The following LAMA3 variants were observed in gnomAD, a reference collection of about 807,000 sequenced individuals.
LAMA3 encodes the protein laminin subunit alpha-3.
Under a neutral mutation model 402.0 loss-of-function variants are expected in LAMA3, and 281 were observed. The ratio of observed to expected loss-of-function variants is 0.70; its 90% CI spans 0.63 to 0.77. The LOEUF (loss-of-function observed/expected upper bound fraction) is 0.77, where lower values mean the gene tolerates loss of function less well. Ranked by LOEUF, LAMA3 falls within the 30% of genes least tolerant of loss-of-function variation. LAMA3 has a pLI of 0.00. For synonymous variants in LAMA3, 1,431 were observed against 1,558.4 expected, an observed-to-expected ratio of 0.92 and a Z score of 1.93; for missense variants, 3,840 against 4,215.5, an observed-to-expected ratio of 0.91 and a Z score of 2.47.
chr18:23,852,700 G>C (rs1231049931), intron 32 of LAMA3, among the ~76,000 whole-genome samples: 1 of 152,180 alleles, frequency 6.6e-6, no homozygotes. Context: ...CACATTCTTT[G>C]CTCAAGAACT....
intron 2 of LAMA3, among the ~76,000 whole-genome samples, chr18:23,726,085 T>C (rs2061295161): frequency 6.6e-6 from 1 of 152,182 alleles, no homozygotes; most frequent in African/African-American, 2.4e-5. Flanking sequence ...CACCATCCCT[T>C]GAGCCACCTC....
chr18:23,727,670 C>T (rs991075489), intron 2 of LAMA3, among the ~76,000 whole-genome samples: 1 of 152,100 alleles, frequency 6.6e-6, no homozygotes, highest in African/African-American at 2.4e-5. Flanking sequence ...TGGACCAGCA[C>T]TGGTCCATGG....
intron 13 of LAMA3, among the ~76,000 whole-genome samples, chr18:23,811,966 C>T (rs762147629): frequency 7.2e-5 from 11 of 151,930 alleles, no homozygotes; most frequent in African/African-American, 2.2e-4. Context: ...CTCTGCCTCA[C>T]GGGTTCAAGC....
intron 2 of LAMA3, among the ~76,000 whole-genome samples, chr18:23,725,530 G>A (rs1302577921): frequency 6.6e-6 from 1 of 152,210 alleles, no homozygotes; most frequent in African/African-American, 2.4e-5. Flanking sequence ...GGGGAGTGGA[G>A]GTGGGTGGGG....
At chr18:23,724,861 C>A (rs1285758079) in intron 2 of LAMA3, among the ~76,000 whole-genome samples, 1 of 152,192 alleles carries the variant, frequency 6.6e-6, no homozygotes, top group Non-Finnish European at 1.5e-5. Context: ...TGCCTGCTGT[C>A]CTCAGGGCAC....
At chr18:23,757,512 G>C (rs370967584) in intron 6 of LAMA3, among the ~76,000 whole-genome samples, 73 of 127,984 alleles carry the variant, frequency 5.7e-4, no homozygotes, top group African/African-American at 1.9e-3. Context: ...TCTTGGCCTC[G>C]CTCCAGCTCC....
At chr18:23,714,776 C>G (rs974891913) in intron 2 of LAMA3, among the ~76,000 whole-genome samples, 2 of 152,084 alleles carry the variant, frequency 1.3e-5, no homozygotes, top group African/African-American at 4.8e-5. Context: ...TCTCTAGAAC[C>G]CTTTTCATCT....
At chr18:23,714,634 A>G (rs1278797254) in intron 2 of LAMA3, among the ~76,000 whole-genome samples, 2 of 152,212 alleles carry the variant, frequency 1.3e-5, no homozygotes. Flanking sequence ...ATTGGCAAAG[A>G]TATTTTTATT....
intron 4 of LAMA3, among the ~76,000 whole-genome samples, chr18:23,749,891 T>C (rs896132386): frequency 6.6e-6 from 1 of 152,092 alleles, no homozygotes; most frequent in African/African-American, 2.4e-5. Flanking sequence ...TGATACCCCG[T>C]AAGAGTGAGG....
At chr18:23,895,556 A>G (rs905376932) in intron 44 of LAMA3, among the ~76,000 whole-genome samples, 1 of 152,214 alleles carries the variant, frequency 6.6e-6, no homozygotes, top group African/African-American at 2.4e-5. Flanking sequence ...TAATATGTCA[A>G]TTTCATCTAA....
At chr18:23,753,689 G>C in intron 5 of LAMA3, 32 bp from the exon 6 acceptor site, 1 of 1,550,826 alleles carries the variant, frequency 6.4e-7, no homozygotes, top group Non-Finnish European at 8.9e-7. Context: ...ACTGTTCAGT[G>C]AAACTTGCAT....
chr18:23,861,532 C>G (rs1038299321), intron 34 of LAMA3, 114 bp from the exon 35 acceptor site: 7 of 1,139,230 alleles, frequency 6.1e-6, no homozygotes, highest in Non-Finnish European at 7.8e-6. Context: ...ATAAAGGAGG[C>G]CTCTGAGGCA....
intron 70 of LAMA3, among the ~76,000 whole-genome samples, chr18:23,949,046 A>G (rs1486690511): frequency 1.3e-5 from 2 of 152,178 alleles, no homozygotes; most frequent in Middle Eastern, 3.2e-3. Flanking sequence ...CACGCAGAAC[A>G]CACCTGGTGT....
chr18:23,813,553 CTTTTTTTTTTTTT>C (rs1164123647), intron 14 of LAMA3, among the ~76,000 whole-genome samples: 2 of 115,006 alleles, frequency 1.7e-5, no homozygotes, highest in South Asian at 3.0e-4. Context: ...TCTTTTCTTT[CTTTTTTTTTTTTT>C]TTTTTTTGCT....
intron 32 of LAMA3, among the ~76,000 whole-genome samples, chr18:23,857,127 G>T (rs533796365): frequency 6.6e-6 from 1 of 152,310 alleles, no homozygotes; most frequent in East Asian, 1.9e-4. Flanking sequence ...TCCCTCATAG[G>T]TATGAAAAGC....
chr18:23,785,164 A>T (rs987416108), intron 12 of LAMA3, among the ~76,000 whole-genome samples: 2 of 152,238 alleles, frequency 1.3e-5, no homozygotes, highest in African/African-American at 4.8e-5. Flanking sequence ...AGCCAGCTAC[A>T]GGATGCAGCC....
At chr18:23,936,922 A>G (rs1300973160) in intron 67 of LAMA3, among the ~76,000 whole-genome samples, 1 of 152,220 alleles carries the variant, frequency 6.6e-6, no homozygotes, top group African/African-American at 2.4e-5. Context: ...ATTTTTCTAT[A>G]GTCAGTGTAA....
intron 4 of LAMA3, among the ~76,000 whole-genome samples, chr18:23,750,437 T>G (rs919775533): frequency 4.2e-4 from 8 of 19,172 alleles, no homozygotes; most frequent in African/African-American, 9.1e-4. Flanking sequence ...ACACAGTTTT[T>G]TTTTTTTTTT....
intron 2 of LAMA3, among the ~76,000 whole-genome samples, chr18:23,723,223 A>G (rs2061244259): frequency 6.6e-6 from 1 of 152,172 alleles, no homozygotes; most frequent in Non-Finnish European, 1.5e-5. Context: ...TTTGACATGA[A>G]ACTACTACTC....
Sources: gnomAD v4.1 joint callset for allele counts (sites outside exome capture counted in the v4.1 genomes callset) on GRCh38, gnomAD v4.1.1 for gene constraint, MANE v1.5 for transcripts, NCBI Gene and HGNC (gene_info 2026-07-23, HGNC 2026-07-21) for gene names.